The following PIP5K1B variants were observed in gnomAD, a reference collection of about 807,000 sequenced individuals.
The protein encoded by PIP5K1B is phosphatidylinositol-4-phosphate 5-kinase type 1 beta.
PIP5K1B carries 42 observed loss-of-function variants against 67.0 expected under a neutral mutation model. The ratio of observed to expected loss-of-function variants is 0.63; its 90% CI spans 0.49 to 0.81. The LOEUF (loss-of-function observed/expected upper bound fraction) is 0.81. Among genes scored for constraint, PIP5K1B ranks in the 30% least tolerant of loss-of-function variants. PIP5K1B has a pLI of 0.00. For missense variants in PIP5K1B, 459 were observed against 646.3 expected (o/e 0.71, Z 3.14); for synonymous variants, 214 against 231.4 (o/e 0.92, Z 0.68).
chr9:68,787,000 T>C (rs1831660420), intron 2 of PIP5K1B, among the ~76,000 whole-genome samples: 1 of 152,102 alleles, frequency 6.6e-6, no homozygotes, highest in African/African-American at 2.4e-5. Context: ...TCATGGAAAA[T>C]GAGTCGGCCC....
chr9:68,920,828 A>ACACACACACACACG (rs1826356643), intron 11 of PIP5K1B, among the ~76,000 whole-genome samples: 1 of 151,526 alleles, frequency 6.6e-6, no homozygotes, highest in Non-Finnish European at 1.5e-5. Context: ...ACACACACAC[A>ACACACACACACACG]CACGCAGTCC....
At chr9:68,900,451 G>A (rs931987882) in intron 8 of PIP5K1B, among the ~76,000 whole-genome samples, 1 of 152,106 alleles carries the variant, frequency 6.6e-6, no homozygotes, top group Non-Finnish European at 1.5e-5. Flanking sequence ...TGTATTCATT[G>A]TAATTTACCA....
intron 2 of PIP5K1B, among the ~76,000 whole-genome samples, chr9:68,758,215 C>G (rs538789594): frequency 6.6e-6 from 1 of 151,952 alleles, no homozygotes. Context: ...AGGATACAAC[C>G]GAGAATTACT....
At chr9:68,799,137 G>A (rs1436528321) in intron 2 of PIP5K1B, among the ~76,000 whole-genome samples, 1 of 152,292 alleles carries the variant, frequency 6.6e-6, no homozygotes, top group African/African-American at 2.4e-5. Context: ...GGCTATATAA[G>A]TTCAAAGCTA....
chr9:68,784,775 G>A (rs1447668491), intron 2 of PIP5K1B, among the ~76,000 whole-genome samples: 4 of 152,094 alleles, frequency 2.6e-5, no homozygotes, highest in Non-Finnish European at 5.9e-5. Flanking sequence ...AGTTGGCCTT[G>A]GAAAGGAGGT....
rs116696045 is a variant in PIP5K1B at position 68,992,373 on chromosome 9, T to G, written c.1620+1116T>G. 3.3e-3 allele frequency among the ~76,000 whole-genome samples: 500 copies of G among 152,266 alleles called. 2 individuals are homozygous for G. Among genetic ancestry groups the G allele is most frequent in the African/African-American group, 0.011 (471 of 41,554 alleles). ...CTCTGTGTCGCTCCTGGTGTACAAG[T>G]GCAACTTCAGGAATCAGCACCGAGT... On this transcript the variant is annotated intron_variant, in intron 15 of 15. Coordinates refer to ENST00000265382, the MANE Select transcript of PIP5K1B (RefSeq NM_003558.4).
At chr9:68,852,911 T>G (rs1822564335) in intron 4 of PIP5K1B, among the ~76,000 whole-genome samples, 1 of 116,214 alleles carries the variant, frequency 8.6e-6, no homozygotes, top group Non-Finnish European at 1.9e-5. Context: ...ATTTTAGGGG[T>G]GTGTTTTTTT....
intron 2 of PIP5K1B, among the ~76,000 whole-genome samples, chr9:68,786,741 A>T (rs75651448): frequency 0.017 from 2,582 of 152,228 alleles, 53 homozygotes; most frequent in East Asian, 0.11. Flanking sequence ...TTTAGGGGAA[A>T]TTTTTTGTTT....
chr9:68,716,461 T>C (rs1827637903), intron 1 of PIP5K1B, among the ~76,000 whole-genome samples: 1 of 152,172 alleles, frequency 6.6e-6, no homozygotes, highest in African/African-American at 2.4e-5. Context: ...GACATAGAAG[T>C]GCCCAAGAAA....
At chr9:68,744,711 G>A (rs1829194433) in intron 2 of PIP5K1B, among the ~76,000 whole-genome samples, 1 of 152,158 alleles carries the variant, frequency 6.6e-6, no homozygotes, top group Non-Finnish European at 1.5e-5. Context: ...TTTTTGTGTT[G>A]TGGGTGTTTA....
chr9:68,864,927 T>TAA (rs142371100), intron 5 of PIP5K1B, among the ~76,000 whole-genome samples: 14,246 of 152,182 alleles, frequency 0.094, 841 homozygotes, highest in Non-Finnish European at 0.14. Flanking sequence ...ATCACCTTAT[T>TAA]AAAAATCTAT....
intron 2 of PIP5K1B, among the ~76,000 whole-genome samples, chr9:68,804,892 C>T (rs1832786362): frequency 6.6e-6 from 1 of 152,174 alleles, no homozygotes; most frequent in South Asian, 2.1e-4. Context: ...TGTCTGAGTG[C>T]CTGGCACAAA....
chr9:68,835,020 T>C (rs1039523205), intron 4 of PIP5K1B, among the ~76,000 whole-genome samples: 2 of 152,228 alleles, frequency 1.3e-5, no homozygotes, highest in Non-Finnish European at 2.9e-5. Context: ...GACAGTAACT[T>C]GTCAGGGGAG....
chr9:68,908,120 T>C (rs1488788193), intron 8 of PIP5K1B, among the ~76,000 whole-genome samples: 1 of 152,178 alleles, frequency 6.6e-6, no homozygotes, highest in East Asian at 1.9e-4. Context: ...ATGCCTGGGC[T>C]CTCTGCTGAC....
At chr9:68,718,287 A>G (rs1827724540) in intron 1 of PIP5K1B, among the ~76,000 whole-genome samples, 1 of 152,218 alleles carries the variant, frequency 6.6e-6, no homozygotes, top group African/African-American at 2.4e-5. Context: ...GTAAGCTTCA[A>G]TCATCAAACA....
intron 8 of PIP5K1B, among the ~76,000 whole-genome samples, chr9:68,908,482 TTC>T (rs1415962862): frequency 6.6e-6 from 1 of 150,716 alleles, no homozygotes. Context: ...ACAGCCCAAG[TTC>T]TAAATCACGG....
chr9:68,990,362 G>A (rs1228056182), intron 14 of PIP5K1B, among the ~76,000 whole-genome samples: 1 of 151,914 alleles, frequency 6.6e-6, no homozygotes, highest in Non-Finnish European at 1.5e-5. Context: ...TGAGGCACAT[G>A]TAAGTTTGAG....
intron 14 of PIP5K1B, among the ~76,000 whole-genome samples, chr9:68,990,720 G>A (rs1830324399): frequency 6.6e-6 from 1 of 151,542 alleles, no homozygotes; most frequent in Admixed American, 6.6e-5. Context: ...CTAGAGTGCA[G>A]TGGTGCGATC....
intron 8 of PIP5K1B, among the ~76,000 whole-genome samples, chr9:68,902,773 T>A (rs754794548): frequency 3.3e-5 from 5 of 152,258 alleles, no homozygotes; most frequent in Non-Finnish European, 7.3e-5. Context: ...CACTAGCATC[T>A]GCTGTTGTCA....
Sources: allele counts gnomAD v4.1 joint callset (sites outside exome capture counted in the v4.1 genomes callset), GRCh38; gene constraint gnomAD v4.1.1; transcripts MANE v1.5; gene names NCBI Gene and HGNC (gene_info 2026-07-23, HGNC 2026-07-21).